SLC30A8: variants seen among roughly 807,000 people sequenced by gnomAD.
SLC30A8 encodes the protein solute carrier family 30 member 8.
In SLC30A8, 27 loss-of-function variants were observed where a neutral mutation model predicts 36.9. That is an observed-to-expected ratio of 0.73 (90% CI 0.54 to 1.01). The LOEUF is 1.01. Among genes scored for constraint, SLC30A8 ranks in the 50% least tolerant of loss-of-function variants. The probability of loss-of-function intolerance (pLI) is 0.00; values close to 1 mark genes in which losing one functional copy is unlikely to be tolerated. For synonymous variants in SLC30A8, 164 were observed against 172.4 expected (o/e 0.95, Z 0.38); for missense variants, 439 against 452.0 (o/e 0.97, Z 0.26).
chr8:116,976,566 A>G (rs975544925), intron 1 of SLC30A8, among the ~76,000 whole-genome samples: 6 of 152,194 alleles, frequency 3.9e-5, no homozygotes, highest in African/African-American at 1.4e-4. Context: ...TCTGTTGCCT[A>G]GAAGGGCATA....
intron 1 of SLC30A8, among the ~76,000 whole-genome samples, chr8:117,137,889 A>T (rs1007288628): frequency 6.6e-6 from 1 of 151,868 alleles, no homozygotes; most frequent in East Asian, 1.9e-4. Context: ...TCTTGATTGC[A>T]TGTGCATATT....
chr8:117,156,436 A>G (rs1822491009), intron 3 of SLC30A8, among the ~76,000 whole-genome samples: 2 of 152,224 alleles, frequency 1.3e-5, no homozygotes, highest in Admixed American at 1.3e-4. Context: ...TTATTATAAT[A>G]CATATAGATA....
intron 1 of SLC30A8, among the ~76,000 whole-genome samples, chr8:116,987,943 C>A (rs113820183): frequency 6.6e-6 from 1 of 152,196 alleles, no homozygotes; most frequent in Non-Finnish European, 1.5e-5. Flanking sequence ...AAGTGATCCG[C>A]CTGCCTTGGC....
chr8:117,066,915 C>T (rs898316456), intron 2 of SLC30A8, among the ~76,000 whole-genome samples: 10 of 152,110 alleles, frequency 6.6e-5, no homozygotes, highest in African/African-American at 2.4e-4. Flanking sequence ...CTGTATTAGT[C>T]TGTTCTCACA....
At chr8:117,087,719 G>A (rs1818936582) in intron 2 of SLC30A8, among the ~76,000 whole-genome samples, 1 of 152,224 alleles carries the variant, frequency 6.6e-6, no homozygotes, top group East Asian at 1.9e-4. Flanking sequence ...CTCTGGCTCA[G>A]TGTCAGCTGT....
chr8:117,134,084 C>A (rs1406664796), upstream of SLC30A8, among the ~76,000 whole-genome samples: 1 of 151,944 alleles, frequency 6.6e-6, no homozygotes. Context: ...CTGCCTATGA[C>A]AATTGGCATT....
At chr8:117,126,545 CCCAT>C (rs57441824) in intron 2 of SLC30A8, among the ~76,000 whole-genome samples, 16,593 of 149,602 alleles carry the variant, frequency 0.11, 1,940 homozygotes, top group African/African-American at 0.3. Flanking sequence ...CATCCACCAA[CCCAT>C]CCATCCATCC....
intron 2 of SLC30A8, among the ~76,000 whole-genome samples, chr8:117,068,374 C>G (rs766969468): frequency 1.3e-5 from 2 of 152,140 alleles, no homozygotes; most frequent in African/African-American, 4.8e-5. Context: ...TAAAAGTGAA[C>G]AAATGGGGCA....
chr8:117,104,135 A>C (rs1487833095), intron 2 of SLC30A8, among the ~76,000 whole-genome samples: 3 of 152,144 alleles, frequency 2.0e-5, no homozygotes, highest in African/African-American at 7.2e-5. Flanking sequence ...CTAGACCCCA[A>C]CTTGGGGTTC....
chr8:117,059,891 G>A (rs542593450), intron 2 of SLC30A8, among the ~76,000 whole-genome samples: 5 of 152,208 alleles, frequency 3.3e-5, no homozygotes, highest in Admixed American at 2.0e-4. Context: ...CAATGGGGTC[G>A]TTTTCCCAGT....
intron 6 of SLC30A8, among the ~76,000 whole-genome samples, chr8:117,166,766 A>ATTTTTTTTT (rs71305462): frequency 4.3e-4 from 55 of 128,656 alleles, no homozygotes; most frequent in African/African-American, 1.4e-3. Flanking sequence ...ACATTAGCTG[A>ATTTTTTTTT]TTTTTTTTTT....
intron 1 of SLC30A8, among the ~76,000 whole-genome samples, chr8:117,027,700 G>C (rs1324410912): frequency 1.3e-5 from 2 of 152,066 alleles, no homozygotes; most frequent in African/African-American, 2.4e-5. Flanking sequence ...ATTCTTAAGG[G>C]TCATTTCTAG....
intron 2 of SLC30A8, among the ~76,000 whole-genome samples, chr8:117,050,210 C>A (rs182576701): frequency 7.4e-4 from 113 of 152,184 alleles, no homozygotes; most frequent in Non-Finnish European, 1.4e-3. Flanking sequence ...TCTGCTTGAT[C>A]ACGTCTAGTG....
Position 117,028,412 on chromosome 8 carries a change from A to G in SLC30A8, c.-265-10807A>G, listed in dbSNP as rs957807028. ...AAAGGGTAAGAAGTACAAACATGGC[A>G]CTGTTGCCCCTGATTTCTGGGGACA... On this transcript the variant is annotated intron_variant, in intron 1 of 10. Transcript: ENST00000427715. 1.2e-4 allele frequency among the ~76,000 whole-genome samples: 18 copies of G among 152,300 alleles called. 1 individual carries two copies. The highest frequency in any genetic ancestry group is 3.4e-3 in the Middle Eastern group (1 of 294).
intron 2 of SLC30A8, among the ~76,000 whole-genome samples, chr8:117,044,503 G>GC (rs1817484579): frequency 6.6e-6 from 1 of 152,184 alleles, no homozygotes; most frequent in Non-Finnish European, 1.5e-5. Flanking sequence ...CAACAACTGG[G>GC]TTTGGAGGAG....
intron 1 of SLC30A8, among the ~76,000 whole-genome samples, chr8:116,968,982 G>T (rs755042317): frequency 6.6e-6 from 1 of 151,978 alleles, no homozygotes; most frequent in Admixed American, 6.6e-5. Context: ...TGATGTGCCC[G>T]CCTCAGTCTC....
At position 117,147,126 on chromosome 8, in the gene SLC30A8, T is replaced by C. The variant is rs1216878055; in HGVS notation, c.244T>C (p.Phe82Leu). 1 of 1,613,998 alleles carries C rather than the reference T, an allele frequency of 6.2e-7. No homozygotes were observed. Among genetic ancestry groups the C allele is most frequent in the South Asian group, 1.1e-5 (1 of 91,070 alleles). Reference sequence around the variant, plus strand: ...ACTCTGTTCTGCTTCAGCAATATGCTTCATTTTCATGATTGCAGAGGTCGT... The same window carrying C: ...ACTCTGTTCTGCTTCAGCAATATGCCTCATTTTCATGATTGCAGAGGTCGT... The part of the protein sequence containing the change: ...WKLCSASAIC[F>L]IFMIAEVVGG... The change falls in exon 2 of 8, where the codon TTC (phenylalanine) becomes CTC (leucine). Residue 82 changes from phenylalanine (F) to leucine (L), a missense_variant. By Grantham distance (22) the Phe-to-Leu change is conservative. Transcript: ENST00000456015.
At chr8:116,958,841 ATTTTTTTTTTTTTTTT>A (rs758505118) in intron 1 of SLC30A8, among the ~76,000 whole-genome samples, 1 of 60,010 alleles carries the variant, frequency 1.7e-5, no homozygotes, top group African/African-American at 6.9e-5. Flanking sequence ...TGCTCTTTTC[ATTTTTTTTTTTTTTTT>A]TTTTTTTTTT....
intron 1 of SLC30A8, among the ~76,000 whole-genome samples, chr8:116,998,749 A>T (rs546629084): frequency 3.1e-4 from 47 of 152,228 alleles, no homozygotes; most frequent in Non-Finnish European, 5.9e-4. Flanking sequence ...GAAGAGAGGG[A>T]CATAGCTTAC....
Sources: allele counts gnomAD v4.1 joint callset (sites outside exome capture counted in the v4.1 genomes callset), GRCh38; gene constraint gnomAD v4.1.1; transcripts MANE v1.5; gene names NCBI Gene and HGNC (gene_info 2026-07-23, HGNC 2026-07-21).